The following KCNAB1 variants were observed in gnomAD, a reference collection of about 807,000 sequenced individuals.
KCNAB1 encodes the protein voltage-gated potassium channel subunit beta-1.
KCNAB1 carries 35 observed loss-of-function variants against 64.6 expected under a neutral mutation model. The ratio of observed to expected loss-of-function variants is 0.54; its 90% CI spans 0.41 to 0.72. The LOEUF (loss-of-function observed/expected upper bound fraction) is 0.72, where lower values mean the gene tolerates loss of function less well. Among genes scored for constraint, KCNAB1 ranks in the 30% least tolerant of loss-of-function variants. The probability of loss-of-function intolerance (pLI) is 0.00; values close to 1 mark genes in which losing one functional copy is unlikely to be tolerated. For missense variants in KCNAB1, 401 were observed against 512.9 expected (o/e 0.78, Z 2.11); for synonymous variants, 177 against 183.8 (o/e 0.96, Z 0.30).
chr3:156,256,651 AT>A (rs1718115928), intron 1 of KCNAB1, among the ~76,000 whole-genome samples: 1 of 152,144 alleles, frequency 6.6e-6, no homozygotes, highest in Non-Finnish European at 1.5e-5. Flanking sequence ...ATTTTGAGAT[AT>A]TTTTGCCCAC....
intron 1 of KCNAB1, among the ~76,000 whole-genome samples, chr3:156,242,963 G>A (rs1432576169): frequency 1.3e-5 from 2 of 151,996 alleles, no homozygotes; most frequent in African/African-American, 4.8e-5. Context: ...AAGCTGGAGT[G>A]CAATGGCACA....
intron 8 of KCNAB1, among the ~76,000 whole-genome samples, chr3:156,494,828 TC>T (rs1171846833): frequency 6.6e-6 from 1 of 152,202 alleles, no homozygotes; most frequent in Non-Finnish European, 1.5e-5. Context: ...TCTTGATCTA[TC>T]TTGCTGGTTA....
At chr3:156,307,366 CTT>C (rs34577217) in intron 1 of KCNAB1, among the ~76,000 whole-genome samples, 371 of 147,810 alleles carry the variant, frequency 2.5e-3, no homozygotes, top group Admixed American at 3.4e-3. Flanking sequence ...TTCTTTTCAT[CTT>C]TTTTTTTTTT....
chr3:156,326,843 T>G (rs1170178441), intron 1 of KCNAB1, among the ~76,000 whole-genome samples: 2 of 152,154 alleles, frequency 1.3e-5, no homozygotes, highest in Non-Finnish European at 2.9e-5. Context: ...CTCACCCCAT[T>G]TATTCTTCTT....
intron 1 of KCNAB1, among the ~76,000 whole-genome samples, chr3:156,200,879 C>T (rs1222121416): frequency 6.6e-6 from 1 of 152,180 alleles, no homozygotes; most frequent in African/African-American, 2.4e-5. Flanking sequence ...TACAAACAAA[C>T]AAACTCCTGC....
intron 7 of KCNAB1, among the ~76,000 whole-genome samples, chr3:156,472,498 G>T: frequency 6.6e-6 from 1 of 152,276 alleles, no homozygotes; most frequent in South Asian, 2.1e-4. Context: ...AAGACTTTAC[G>T]TGATTGAGAT....
intron 1 of KCNAB1, among the ~76,000 whole-genome samples, chr3:156,403,660 C>T (rs1373888269): frequency 6.6e-6 from 1 of 151,908 alleles, no homozygotes; most frequent in Non-Finnish European, 1.5e-5. Flanking sequence ...TTTGGGAGGC[C>T]GAGGTGGGCA....
intron 1 of KCNAB1, among the ~76,000 whole-genome samples, chr3:156,387,014 C>CTCTCTTTTTTTTTTTTTTTTTTT (rs60888308): frequency 4.4e-5 from 4 of 90,526 alleles, no homozygotes; most frequent in African/African-American, 1.1e-4. Flanking sequence ...TTCTCTCTCT[C>CTCTCTTTTTTTTTTTTTTTTTTT]TTTTTTTTTT....
chr3:156,377,002 T>C (rs1414678750), intron 1 of KCNAB1, among the ~76,000 whole-genome samples: 2 of 152,146 alleles, frequency 1.3e-5, no homozygotes, highest in Non-Finnish European at 2.9e-5. Flanking sequence ...AATAAAATAA[T>C]TAACCATTGG....
chr3:156,343,866 T>C (rs1724302865), intron 1 of KCNAB1, among the ~76,000 whole-genome samples: 1 of 152,224 alleles, frequency 6.6e-6, no homozygotes, highest in Non-Finnish European at 1.5e-5. Flanking sequence ...AAAATGTGTA[T>C]TGCTGTTCCT....
At chr3:156,223,203 G>A (rs1715895977) in intron 1 of KCNAB1, among the ~76,000 whole-genome samples, 3 of 152,198 alleles carry the variant, frequency 2.0e-5, no homozygotes, top group Non-Finnish European at 2.9e-5. Flanking sequence ...TTTGCGGTGA[G>A]TGTTACAGCT....
rs115129801 is a variant in KCNAB1 at position 156,404,741 on chromosome 3, T to C, written c.276-16875T>C. The stretch of plus-strand genomic sequence containing the variant: ...TGAAGTCCAGCCCTAAAGTCAGAGG[T>C]CCTTGCTGCTGATTCCAGCCTCCCA... On this transcript the variant is annotated intron_variant, in intron 1 of 13. Transcript: ENST00000490337. Among the ~76,000 whole-genome samples the C allele has an allele frequency of 4.4e-3, 664 of 152,252 alleles. 3 individuals are homozygous for C. The highest frequency in any genetic ancestry group is 0.014 in the Admixed American group (219 of 15,306).
intron 1 of KCNAB1, among the ~76,000 whole-genome samples, chr3:156,288,636 T>C (rs572680018): frequency 6.4e-4 from 97 of 152,272 alleles, no homozygotes; most frequent in African/African-American, 2.3e-3. Flanking sequence ...TGGCTGGCAG[T>C]CAGAATGCCC....
In KCNAB1 at chr3:156,358,455, G is replaced by A. The variant is rs146363664; in HGVS notation, c.276-63161G>A. On this transcript the variant is annotated intron_variant, in intron 1 of 13. Transcript: ENST00000490337. ...GCAGGAGCCCAGAGGAAACCTGCTC[G>A]CTCACCAGGTCTCCTCTCTGGCCAT... Among the ~76,000 whole-genome samples, 393 of 152,224 alleles carry A rather than the reference G, an allele frequency of 2.6e-3. 2 individuals carry two copies. The highest frequency in any genetic ancestry group is 8.5e-3 in the African/African-American group (352 of 41,536).
intron 1 of KCNAB1, among the ~76,000 whole-genome samples, chr3:156,385,878 T>G (rs1576801539): frequency 6.6e-6 from 1 of 152,334 alleles, no homozygotes; most frequent in Non-Finnish European, 1.5e-5. Flanking sequence ...TTTAATGTAG[T>G]TTTTCTGATT....
At chr3:156,120,954 A>T (rs747028769) in intron 1 of KCNAB1, 68 bp downstream of exon 1, 5 of 1,562,218 alleles carry the variant, frequency 3.2e-6, no homozygotes, top group Non-Finnish European at 4.3e-6. Flanking sequence ...GAATGCTTTG[A>T]TTTCTTTTCC....
chr3:156,368,836 T>G (rs1308527994), intron 1 of KCNAB1, among the ~76,000 whole-genome samples: 1 of 152,232 alleles, frequency 6.6e-6, no homozygotes, highest in African/African-American at 2.4e-5. Flanking sequence ...CCTGCAACGC[T>G]TTGTCCCTTA....
chr3:156,511,947 C>A (rs1211985972), intron 8 of KCNAB1, among the ~76,000 whole-genome samples: 1 of 152,204 alleles, frequency 6.6e-6, no homozygotes, highest in East Asian at 1.9e-4. Context: ...AGGGCCTAGG[C>A]GCATACTACA....
intron 1 of KCNAB1, among the ~76,000 whole-genome samples, chr3:156,218,254 C>T (rs1007547545): frequency 1.6e-4 from 24 of 152,154 alleles, no homozygotes; most frequent in African/African-American, 4.8e-4. Flanking sequence ...CCGTATGACT[C>T]AGCAGAGGCA....
Sources: gnomAD v4.1 joint callset for allele counts (sites outside exome capture counted in the v4.1 genomes callset) on GRCh38, gnomAD v4.1.1 for gene constraint, MANE v1.5 for transcripts, NCBI Gene and HGNC (gene_info 2026-07-23, HGNC 2026-07-21) for gene names.